The following ZW10 variants were observed in gnomAD, a reference collection of about 807,000 sequenced individuals.
The protein encoded by ZW10 is centromere/kinetochore protein zw10 homolog.
In ZW10, 53 loss-of-function variants were observed where a neutral mutation model predicts 87.8. The ratio of observed to expected loss-of-function variants is 0.60; its 90% CI spans 0.48 to 0.76. ZW10 has a LOEUF of 0.76. Ranked by LOEUF, ZW10 falls within the 30% of genes least tolerant of loss-of-function variation. The pLI is 0.00. For synonymous variants in ZW10, 312 were observed against 329.2 expected, an observed-to-expected ratio of 0.95 and a Z score of 0.57; for missense variants, 837 against 923.0, an observed-to-expected ratio of 0.91 and a Z score of 1.21.
chr11:113,772,680 C>A (rs1387608767), intron 1 of ZW10, among the ~76,000 whole-genome samples: 2 of 152,040 alleles, frequency 1.3e-5, no homozygotes, highest in Non-Finnish European at 2.9e-5. Flanking sequence ...AGTTTTAAAA[C>A]CACATTAAGA....
At chr11:113,757,554 A>T in intron 7 of ZW10, 108 bp downstream of exon 7, 1 of 915,228 alleles carries the variant, frequency 1.1e-6, no homozygotes, top group Non-Finnish European at 1.5e-6. Flanking sequence ...CTTACTTTTC[A>T]TCCTCCTTTC....
At chr11:113,769,103 T>C (rs942170207) in intron 1 of ZW10, 136 bp from the exon 2 acceptor site, 1 of 785,880 alleles carries the variant, frequency 1.3e-6, no homozygotes. Flanking sequence ...TCACTTTCCC[T>C]CCAAGCCAAT....
At chr11:113,755,418 A>C (rs1953773616) in intron 7 of ZW10, among the ~76,000 whole-genome samples, 1 of 152,234 alleles carries the variant, frequency 6.6e-6, no homozygotes, top group African/African-American at 2.4e-5. Flanking sequence ...AATCAGAAAT[A>C]GAGCCTGAAG....
rs929990781 is a variant in ZW10, at chr11:113,755,299, A to G, written c.925+2363T>C. 2.0e-5 allele frequency among the ~76,000 whole-genome samples: 3 copies of G among 152,206 alleles called. No individual in the cohort carries two copies. In the East Asian group the frequency reaches 5.8e-4, roughly 29 times the overall value. On this transcript the variant is annotated intron_variant, in intron 7 of 15. Coordinates refer to ENST00000200135, the MANE Select transcript of ZW10 (RefSeq NM_004724.4). ...CATGGGAGGAGGTCAAAATAGCAAA[A>G]TTAACAGGAGTTTGGAAGAAGTTGA... is the stretch of plus-strand genomic sequence containing the variant.
At chr11:113,741,149 CT>C (rs1953613502) in intron 11 of ZW10, among the ~76,000 whole-genome samples, 1 of 147,224 alleles carries the variant, frequency 6.8e-6, no homozygotes, top group African/African-American at 2.5e-5. Flanking sequence ...TTTTTTGTTT[CT>C]TTGTTTTAAT....
chr11:113,734,243 G>A (rs1244665382), intron 15 of ZW10, among the ~76,000 whole-genome samples: 4 of 151,908 alleles, frequency 2.6e-5, no homozygotes, highest in African/African-American at 7.3e-5. Flanking sequence ...TTAGAATAAC[G>A]GGCAAAAAAA....
At position 113,736,602 on chromosome 11, in the gene ZW10, T is replaced by C. The variant is rs757529614; in HGVS notation, c.2219+18A>G. 6.2e-7 allele frequency: 1 copy of C among 1,613,542 alleles called. No individual in the cohort carries two copies. The highest frequency in any genetic ancestry group is 8.5e-7 in the Non-Finnish European group (1 of 1,179,554). Reference sequence around the variant, plus strand: ...AGCTATGGAGAGTTATATGCCTCTATAGAAGGGTTATACATACCGATCCCC... The same window carrying C: ...AGCTATGGAGAGTTATATGCCTCTACAGAAGGGTTATACATACCGATCCCC... On this transcript the variant is annotated intron_variant, in intron 15 of 15. Transcript: ENST00000200135.
chr11:113,770,839 A>AAAAG (rs1156865525), intron 1 of ZW10, among the ~76,000 whole-genome samples: 11,728 of 151,534 alleles, frequency 0.077, 569 homozygotes, highest in African/African-American at 0.13. Flanking sequence ...AAAAAAAAAA[A>AAAAG]AAAAGAAATG....
intron 15 of ZW10, among the ~76,000 whole-genome samples, chr11:113,734,163 C>T (rs1953523563): frequency 6.6e-6 from 1 of 152,178 alleles, no homozygotes; most frequent in Non-Finnish European, 1.5e-5. Flanking sequence ...CCAATTTTAA[C>T]TGATGAAGGA....
In ZW10 at chr11:113,758,944, C is replaced by A. The variant is rs562446974; in HGVS notation, c.581-238G>T. Among the ~76,000 whole-genome samples, 8 of 152,210 alleles carry A rather than the reference C, an allele frequency of 5.3e-5. No individual in the cohort carries two copies. The East Asian group carries it at 1.4e-3, about 26-fold the overall frequency. The stretch of plus-strand genomic sequence containing the variant: ...ATCCCAGCACTTTGGGAGGTCGAGG[C>A]GGGAGGATCACTTGAGCCCAGGAGT... On this transcript the variant is annotated intron_variant, in intron 5 of 15. Transcript: ENST00000200135.
chr11:113,758,358 A>C (rs1180074177), intron 6 of ZW10, among the ~76,000 whole-genome samples, 196 bp downstream of exon 6: 1 of 130,508 alleles, frequency 7.7e-6, no homozygotes, highest in Non-Finnish European at 1.6e-5. Flanking sequence ...AAAAAAAAAA[A>C]TAGGAACAGT....
intron 2 of ZW10, 77 bp from the exon 3 acceptor site, chr11:113,760,995 A>C: frequency 1.9e-6 from 2 of 1,051,958 alleles, no homozygotes; most frequent in Non-Finnish European, 2.8e-6. Context: ...CAAATCAATA[A>C]GCTTTACTAG....
intron 10 of ZW10, among the ~76,000 whole-genome samples, chr11:113,742,567 G>A (rs912279054): frequency 1.9e-4 from 29 of 152,136 alleles, no homozygotes; most frequent in African/African-American, 7.0e-4. Context: ...TGTTTGTCCT[G>A]TTAAAAACTA....
At chr11:113,738,497 A>T in intron 12 of ZW10, 103 bp from the exon 13 acceptor site, 1 of 1,098,046 alleles carries the variant, frequency 9.1e-7, no homozygotes, top group Non-Finnish European at 1.2e-6. Context: ...TGTTCTGCCT[A>T]TATAAAAATA....
intron 15 of ZW10, among the ~76,000 whole-genome samples, chr11:113,735,752 C>T (rs527809556): frequency 2.6e-4 from 40 of 152,286 alleles, no homozygotes; most frequent in African/African-American, 8.7e-4. Flanking sequence ...ATATAGCATA[C>T]ACTCACTGGG....
intron 2 of ZW10, among the ~76,000 whole-genome samples, chr11:113,764,655 G>T (rs983895206): frequency 2.0e-5 from 3 of 152,000 alleles, no homozygotes; most frequent in Non-Finnish European, 4.4e-5. Context: ...ACACACATTA[G>T]CCTAGCCCTA....
rs546171051 is a variant in ZW10, at chr11:113,754,775, T to G, written c.925+2887A>C. On this transcript the variant is annotated intron_variant, in intron 7 of 15. Coordinates refer to ENST00000200135, the MANE Select transcript of ZW10 (RefSeq NM_004724.4). ...CCTGGCTAATTTTTTATTTTTTTAG[T>G]AGAGGCCAGGTATCGCTATGTTACC... is the stretch of plus-strand genomic sequence containing the variant. Among the ~76,000 whole-genome samples the G allele has an allele frequency of 2.0e-5, 3 of 152,168 alleles. No individual in the cohort carries two copies. In the South Asian group the frequency reaches 6.2e-4, roughly 32 times the overall value.
intron 7 of ZW10, among the ~76,000 whole-genome samples, chr11:113,750,125 A>T (rs1471929634): frequency 6.6e-6 from 1 of 152,218 alleles, no homozygotes; most frequent in Non-Finnish European, 1.5e-5. Flanking sequence ...AATTTAAAAC[A>T]AAGCATACTA....
intron 3 of ZW10, 45 bp from the exon 4 acceptor site, chr11:113,760,635 T>C: frequency 6.6e-7 from 1 of 1,504,590 alleles, no homozygotes; most frequent in Non-Finnish European, 9.2e-7. Flanking sequence ...TTATTTCAAG[T>C]CTGTTTGCTT....
Sources: allele counts gnomAD v4.1 joint callset (sites outside exome capture counted in the v4.1 genomes callset), GRCh38; gene constraint gnomAD v4.1.1; transcripts MANE v1.5; gene names NCBI Gene and HGNC (gene_info 2026-07-23, HGNC 2026-07-21).